The following PGLYRP4 variants were observed in gnomAD, a reference collection of about 807,000 sequenced individuals.
The protein encoded by PGLYRP4 is PGRP-I-beta.
Under a neutral mutation model 41.2 loss-of-function variants are expected in PGLYRP4, and 39 were observed. That is an observed-to-expected ratio of 0.95 (90% confidence interval 0.73 to 1.24). PGLYRP4 has a LOEUF of 1.24. Ranked by LOEUF, PGLYRP4 falls within the 50% of genes most tolerant of loss-of-function variation. The pLI, the probability that PGLYRP4 is intolerant of heterozygous loss-of-function variation, is 0.00. For synonymous variants in PGLYRP4, 202 were observed against 186.8 expected (o/e 1.08, Z -0.66); for missense variants, 467 against 460.7 (o/e 1.01, Z -0.13).
intron 8 of PGLYRP4, among the ~76,000 whole-genome samples, chr1:153,331,242 C>A (rs1207101466): frequency 6.6e-6 from 1 of 152,124 alleles, no homozygotes; most frequent in Non-Finnish European, 1.5e-5. Context: ...CCCCAAAGGA[C>A]ATTTGGCAGT....
intron 4 of PGLYRP4, 32 bp downstream of exon 4, chr1:153,345,137 C>A (rs769016184): frequency 6.5e-7 from 1 of 1,545,840 alleles, no homozygotes; most frequent in Non-Finnish European, 8.9e-7. Context: ...CAACACTGAC[C>A]ATGTGCCGTG....
intron 4 of PGLYRP4, 67 bp downstream of exon 4, chr1:153,345,102 G>C (rs1660947226): frequency 4.2e-6 from 5 of 1,192,722 alleles, no homozygotes; most frequent in Non-Finnish European, 6.1e-6. Flanking sequence ...GGATGAGAAG[G>C]GACAGGAGAA....
At chr1:153,338,449 A>C (rs1571132629) in intron 7 of PGLYRP4, among the ~76,000 whole-genome samples, 1 of 152,260 alleles carries the variant, frequency 6.6e-6, no homozygotes, top group East Asian at 1.9e-4. Context: ...CCATTCCTAA[A>C]GGGTAGCCAG....
intron 6 of PGLYRP4, among the ~76,000 whole-genome samples, chr1:153,340,971 G>A (rs1035616827): frequency 6.6e-6 from 1 of 152,156 alleles, no homozygotes; most frequent in Admixed American, 6.5e-5. Flanking sequence ...TGTTTTTGAT[G>A]TTGCTGCTTG....
intron 8 of PGLYRP4, among the ~76,000 whole-genome samples, chr1:153,331,382 C>T (rs2987768): frequency 0.44 from 66,671 of 151,938 alleles, 15,219 homozygotes; most frequent in Non-Finnish European, 0.51. Flanking sequence ...GCCAAAATAT[C>T]AATTGTACTG....
At position 153,345,301 on chromosome 1, in the gene PGLYRP4, G is replaced by A. The variant is rs201083169; in HGVS notation, c.221C>T (p.Thr74Met). ...EAVGCSIQLTTPVNVLVIHHV... is the reference protein window; with the variant it reads ...EAVGCSIQLTMPVNVLVIHHV... ...GTGTATAACAAGGACATTCACTGGC[G>A]TGGTCAGCTGAATACTGCAGCCAAC... Residue 74 changes from threonine to methionine, a missense_variant, in exon 4 of 9, where the codon ACG becomes ATG. By Grantham distance (81) the Thr-to-Met change is moderately conservative (BLOSUM62 -1). Transcript: ENST00000359650. 116 of 1,614,144 alleles carry A rather than the reference G, an allele frequency of 7.2e-5. No homozygotes were observed. The highest frequency in any genetic ancestry group is 3.3e-4 in the Middle Eastern group (2 of 6,062).
rs568298867 is a variant in PGLYRP4 at position 153,345,190 on chromosome 1, CTGT to C, written c.329_331del (p.Asn110del). The C allele has an allele frequency of 2.1e-4, 335 of 1,612,730 alleles. 1 individual carries two copies. The African/African-American group carries it at 3.7e-3, about 18-fold the overall frequency. ...TTACTTGTAGGCCACATCACACCCA[CTGT>C]TGTTGTGGACATGATGGGCCTGCAG... On this transcript the variant is annotated inframe_deletion, in exon 4 of 9. Transcript: ENST00000359650.
intron 7 of PGLYRP4, among the ~76,000 whole-genome samples, chr1:153,338,268 T>C (rs1190310418): frequency 1.3e-5 from 2 of 152,180 alleles, no homozygotes; most frequent in African/African-American, 4.8e-5. Flanking sequence ...CACTCCCTGA[T>C]CTGCCCTGCA....
chr1:153,345,802 T>C (rs1455528193), intron 3 of PGLYRP4, among the ~76,000 whole-genome samples: 1 of 152,174 alleles, frequency 6.6e-6, no homozygotes, highest in Non-Finnish European at 1.5e-5. Context: ...CAGCAGGGGC[T>C]ATGTCTCCCC....
rs3006458 is a variant in PGLYRP4 at position 153,347,896 on chromosome 1, T to C, written c.37A>G (p.Ile13Val). The C allele has an allele frequency of 1.9e-6, 3 of 1,612,648 alleles. No individual in the cohort carries two copies. Among genetic ancestry groups the C allele is most frequent in the South Asian group, 1.1e-5 (1 of 90,998 alleles). Residue 13 changes from isoleucine to valine, a missense_variant, in exon 2 of 9, where the codon ATC (isoleucine) becomes GTC (valine). Transcript: ENST00000359650. ...PWLLVFSALG[I>V]QAWGDSSWNK... ...AAAGAAAACTTACCCCAGGCCTGGA[T>C]ACCCAGAGCAGAGAAGACAAGAAGC...
At chr1:153,345,019 A>AGTT in intron 4 of PGLYRP4, 150 bp downstream of exon 4, 1 of 630,438 alleles carries the variant, frequency 1.6e-6, no homozygotes, top group Non-Finnish European at 2.7e-6. Context: ...AAGGATTGGG[A>AGTT]GTTTCATGGG....
intron 5 of PGLYRP4, among the ~76,000 whole-genome samples, chr1:153,342,676 G>A (rs1660848788): frequency 6.6e-6 from 1 of 151,990 alleles, no homozygotes; most frequent in African/African-American, 2.4e-5. Context: ...AAATCTAGGA[G>A]TAAGAGATGA....
rs990474559 is a variant in PGLYRP4, at chr1:153,330,579, G to C, written c.*188C>G. On this transcript the variant is annotated 3_prime_UTR_variant, in exon 9 of 9. Coordinates refer to ENST00000359650, the MANE Select transcript of PGLYRP4 (RefSeq NM_020393.4). The stretch of plus-strand genomic sequence containing the variant: ...AGACTCAGAGGGCTGTGAATGTCCA[G>C]CTATGAGGTTTGGAGGCCCTTGGAG... 1 of 479,388 alleles carries C rather than the reference G, an allele frequency of 2.1e-6. No individual in the cohort carries two copies. The highest frequency in any genetic ancestry group is 3.6e-5 in the South Asian group (1 of 27,916). The allele number at this position is 479,388 out of a possible 1,614,324, so 29.7% of individuals were successfully genotyped here.
At chr1:153,344,972 G>A in intron 4 of PGLYRP4, 197 bp downstream of exon 4, 1 of 577,168 alleles carries the variant, frequency 1.7e-6, no homozygotes, top group Non-Finnish European at 3.1e-6. Flanking sequence ...CTTCCTCCTG[G>A]GAGCTCTCAG....
In PGLYRP4 at chr1:153,339,083, C is replaced by T. The variant is rs146513005; in HGVS notation, c.824+1298G>A. 2.9e-3 allele frequency among the ~76,000 whole-genome samples: 436 copies of T among 152,258 alleles called. 2 individuals carry two copies. Among genetic ancestry groups the T allele is most frequent in the African/African-American group, 0.01 (422 of 41,534 alleles). ...ACCACCTCAATGAAAGAAAATGACA[C>T]AGTCATAATGCTATAATAGAAGAGG... On this transcript the variant is annotated intron_variant, in intron 7 of 8. Transcript: ENST00000359650.
intron 4 of PGLYRP4, among the ~76,000 whole-genome samples, chr1:153,344,227 G>C (rs547709681): frequency 3.9e-5 from 6 of 152,186 alleles, no homozygotes; most frequent in Admixed American, 1.3e-4. Context: ...ACCAGTCCTC[G>C]ACTGTCGAGC....
chr1:153,347,866 C>G lies in PGLYRP4; in HGVS notation c.49+18G>C, dbSNP rs1286405353. 6.3e-7 allele frequency: 1 copy of G among 1,598,434 alleles called. No individual in the cohort carries two copies. The highest frequency in any genetic ancestry group is 1.7e-5 in the Admixed American group (1 of 59,784). On this transcript the variant is annotated intron_variant, in intron 2 of 8. Coordinates refer to ENST00000359650, the MANE Select transcript of PGLYRP4 (RefSeq NM_020393.4). ...CACCCTTCTCGGTTGCTTTTTGGCC[C>G]AGGGAAAGAAAACTTACCCCAGGCC...
chr1:153,338,195 G>C (rs1007271712), intron 7 of PGLYRP4, among the ~76,000 whole-genome samples: 1 of 152,142 alleles, frequency 6.6e-6, no homozygotes, highest in African/African-American at 2.4e-5. Flanking sequence ...CAGGAATACA[G>C]GCATCAGCCC....
At position 153,337,252 on chromosome 1, in the gene PGLYRP4, T is replaced by C. The variant is rs898066406; in HGVS notation, c.872A>G (p.Asn291Ser). Residue 291 changes from asparagine to serine, a missense_variant, in exon 8 of 9, where the codon AAT becomes AGT. By Grantham distance (46) the Asn-to-Ser change is conservative. Coordinates refer to ENST00000359650, the MANE Select transcript of PGLYRP4 (RefSeq NM_020393.4). Reference sequence around the variant, plus strand: ...GCCAGGGGTGGAGGAGCCTTGGACATTCCAGCCCACCCCTTCATAAATGGC... The same window carrying C: ...GCCAGGGGTGGAGGAGCCTTGGACACTCCAGCCCACCCCTTCATAAATGGC... ...DGAIYEGVGWNVQGSSTPGYD... is the reference protein window; with the variant it reads ...DGAIYEGVGWSVQGSSTPGYD... 6.2e-7 allele frequency: 1 copy of C among 1,613,480 alleles called. No individual in the cohort carries two copies. Among genetic ancestry groups the C allele is most frequent in the Non-Finnish European group, 8.5e-7 (1 of 1,179,722 alleles).
Sources: allele counts gnomAD v4.1 joint callset (sites outside exome capture counted in the v4.1 genomes callset), GRCh38; gene constraint gnomAD v4.1.1; transcripts MANE v1.5; gene names NCBI Gene and HGNC (gene_info 2026-07-23, HGNC 2026-07-21).